Variants in HNRNPA1L2 observed in about 807,000 individuals in gnomAD.
HNRNPA1L2 encodes the protein heterogeneous nuclear ribonucleoprotein A1-like 2.
Under a neutral mutation model 18.2 loss-of-function variants are expected in HNRNPA1L2, and 10 were observed. The ratio of observed to expected loss-of-function variants is 0.55; its 90% CI spans 0.34 to 0.93. The LOEUF (loss-of-function observed/expected upper bound fraction) is 0.93, where lower values mean the gene tolerates loss of function less well. Ranked by LOEUF, HNRNPA1L2 falls within the 40% of genes least tolerant of loss-of-function variation. The pLI, the probability that HNRNPA1L2 is intolerant of heterozygous loss-of-function variation, is 0.02. For synonymous variants in HNRNPA1L2, 124 were observed against 138.6 expected, an observed-to-expected ratio of 0.89 and a Z score of 0.74; for missense variants, 308 against 394.4, an observed-to-expected ratio of 0.78 and a Z score of 1.85.
At chr13:52,626,795 C>T in the HNRNPA1L2 span, among the ~76,000 whole-genome samples, 1 of 152,012 alleles carries the variant, frequency 6.6e-6, no homozygotes. Context: ...ACACACTTAA[C>T]CAAGACACTG....
At chr13:52,634,495 C>T in the HNRNPA1L2 span, among the ~76,000 whole-genome samples, 25 of 152,286 alleles carry the variant, frequency 1.6e-4, no homozygotes, top group South Asian at 5.0e-3. Context: ...GCTATACTTG[C>T]ATGAGTCTAA....
upstream of HNRNPA1L2, chr13:52,640,701 C>T (rs766495393): frequency 2.6e-5 from 4 of 152,202 alleles, no homozygotes; most frequent in Non-Finnish European, 5.9e-5. Context: ...AGTGAAGTTG[C>T]TTACTGCTGC....
At chr13:52,624,657 T>G in the HNRNPA1L2 span, among the ~76,000 whole-genome samples, 1 of 152,162 alleles carries the variant, frequency 6.6e-6, no homozygotes, top group South Asian at 2.1e-4. Flanking sequence ...AAAATACCAA[T>G]TAAAAAATAC....
At chr13:52,624,210 G>T in the HNRNPA1L2 span, among the ~76,000 whole-genome samples, 1 of 152,184 alleles carries the variant, frequency 6.6e-6, no homozygotes, top group African/African-American at 2.4e-5. Flanking sequence ...CACCTCCTGG[G>T]TTCAAGCAGT....
the HNRNPA1L2 span, among the ~76,000 whole-genome samples, chr13:52,619,629 G>T: frequency 1.3e-5 from 2 of 149,464 alleles, no homozygotes; most frequent in African/African-American, 4.9e-5. Context: ...AACTTTAAGT[G>T]TAGAATAATA....
the HNRNPA1L2 span, among the ~76,000 whole-genome samples, chr13:52,619,778 G>T: frequency 2.0e-4 from 31 of 151,916 alleles, no homozygotes; most frequent in African/African-American, 7.2e-4. Context: ...AAAATTAGCC[G>T]GGCGTGGTGG....
the HNRNPA1L2 span, among the ~76,000 whole-genome samples, chr13:52,620,740 AT>A: frequency 6.6e-6 from 1 of 152,088 alleles, no homozygotes; most frequent in Non-Finnish European, 1.5e-5. Flanking sequence ...TGGGAAACCC[AT>A]TTCTACAAAA....
At chr13:52,625,048 T>A in the HNRNPA1L2 span, among the ~76,000 whole-genome samples, 1 of 151,754 alleles carries the variant, frequency 6.6e-6, no homozygotes, top group African/African-American at 2.4e-5. Flanking sequence ...AAAAAAAAGT[T>A]ATGAAGGGGA....
chr13:52,629,738 CTA>C, the HNRNPA1L2 span, among the ~76,000 whole-genome samples: 1 of 152,174 alleles, frequency 6.6e-6, no homozygotes, highest in East Asian at 1.9e-4. Context: ...CTTTATATCT[CTA>C]TACATGCTTA....
At chr13:52,630,003 G>A in the HNRNPA1L2 span, among the ~76,000 whole-genome samples, 1 of 152,174 alleles carries the variant, frequency 6.6e-6, no homozygotes, top group South Asian at 2.1e-4. Context: ...CAGGAGAATT[G>A]CTTGAATCTG....
At chr13:52,635,157 G>C in the HNRNPA1L2 span, among the ~76,000 whole-genome samples, 5 of 152,146 alleles carry the variant, frequency 3.3e-5, no homozygotes, top group African/African-American at 1.2e-4. Flanking sequence ...CTGCCAGTCA[G>C]TATGTGGTTA....
In HNRNPA1L2 at chr13:52,642,788, G is replaced by A. The variant is rs752091652; in HGVS notation, c.296G>A (p.Gly99Asp). ...TCCAGAGAAGATTCTCAAAGACCAG[G>A]TGCCCACTTAACTGTGAAAAAGATA... ...AVSREDSQRP[G>D]AHLTVKKIFV... is the part of the protein sequence containing the mutation. The change falls in exon 1 of 1, where the codon GGT becomes GAT. Residue 99 changes from glycine (G) to aspartate (D), a missense_variant. Physicochemically the swap from Gly to Asp is moderately conservative, Grantham distance 94. Transcript: ENST00000357495. 10 of 1,597,016 alleles carry A rather than the reference G, an allele frequency of 6.3e-6. No homozygotes were observed. Among genetic ancestry groups the A allele is most frequent in the Non-Finnish European group, 8.5e-6 (10 of 1,179,336 alleles).
At chr13:52,638,350 A>C (rs573370049), upstream of HNRNPA1L2, among the ~76,000 whole-genome samples, 1 of 152,260 alleles carries the variant, frequency 6.6e-6, no homozygotes, top group African/African-American at 2.4e-5. Flanking sequence ...AATTCCTTAA[A>C]TTTTTCTAAT....
chr13:52,634,184 C>A, the HNRNPA1L2 span, among the ~76,000 whole-genome samples: 5 of 152,072 alleles, frequency 3.3e-5, no homozygotes, highest in African/African-American at 4.8e-5. Flanking sequence ...AAAGGAAATG[C>A]AAAATGCATA....
At chr13:52,633,903 A>G in the HNRNPA1L2 span, among the ~76,000 whole-genome samples, 2 of 152,170 alleles carry the variant, frequency 1.3e-5, no homozygotes, top group African/African-American at 4.8e-5. Flanking sequence ...TATTTATATG[A>G]ACTTCTGATT....
At chr13:52,638,620 C>T (rs1415440571), upstream of HNRNPA1L2, among the ~76,000 whole-genome samples, 1 of 152,122 alleles carries the variant, frequency 6.6e-6, no homozygotes, top group African/African-American at 2.4e-5. Context: ...TAACAAAACC[C>T]TCTTAATCCT....
the HNRNPA1L2 span, among the ~76,000 whole-genome samples, chr13:52,620,794 C>T: frequency 2.6e-5 from 4 of 151,998 alleles, no homozygotes; most frequent in Non-Finnish European, 4.4e-5. Flanking sequence ...GGAGGATCGC[C>T]GGAGCCTGGG....
the HNRNPA1L2 span, among the ~76,000 whole-genome samples, chr13:52,622,978 A>G: frequency 6.6e-6 from 1 of 152,102 alleles, no homozygotes. Flanking sequence ...CAGATAATAT[A>G]GGCTTCTGTT....
chr13:52,626,330 C>G, the HNRNPA1L2 span, among the ~76,000 whole-genome samples: 1 of 151,230 alleles, frequency 6.6e-6, no homozygotes, highest in African/African-American at 2.4e-5. Flanking sequence ...GTGACAGATG[C>G]CTGTAGTCCA....
Sources: gnomAD v4.1 joint callset for allele counts (sites outside exome capture counted in the v4.1 genomes callset) on GRCh38, gnomAD v4.1.1 for gene constraint, MANE v1.5 for transcripts, NCBI Gene and HGNC (gene_info 2026-07-23, HGNC 2026-07-21) for gene names.